Variants in AGPS observed in about 807,000 individuals in gnomAD.
AGPS encodes the protein alkylglycerone phosphate synthase.
AGPS carries 26 observed loss-of-function variants against 90.7 expected under a neutral mutation model. The observed-to-expected ratio is 0.29, with a 90% CI of 0.21 to 0.40. AGPS has a LOEUF of 0.40. Ranked by LOEUF, AGPS falls within the 10% of genes least tolerant of loss-of-function variation. The pLI is 1.00. For missense variants in AGPS, 540 were observed against 816.1 expected, an observed-to-expected ratio of 0.66 and a Z score of 4.12; for synonymous variants, 294 against 285.3, an observed-to-expected ratio of 1.03 and a Z score of -0.31.
At chr2:177,501,403 A>G (rs983764753) in intron 14 of AGPS, among the ~76,000 whole-genome samples, 1 of 152,140 alleles carries the variant, frequency 6.6e-6, no homozygotes, top group African/African-American at 2.4e-5. Context: ...TAGGATGATG[A>G]CATAATGCTT....
At chr2:177,524,247 C>A (rs890881038) in intron 19 of AGPS, among the ~76,000 whole-genome samples, 2 of 152,126 alleles carry the variant, frequency 1.3e-5, no homozygotes, top group African/African-American at 4.8e-5. Flanking sequence ...TTAATCAAGA[C>A]AGGATATGAG....
At chr2:177,416,770 C>T (rs1685798645) in intron 1 of AGPS, among the ~76,000 whole-genome samples, 1 of 152,024 alleles carries the variant, frequency 6.6e-6, no homozygotes, top group South Asian at 2.1e-4. Context: ...ACCTTGTGAT[C>T]TGCCCACCTT....
At chr2:177,524,174 C>T (rs924483531) in intron 19 of AGPS, among the ~76,000 whole-genome samples, 2 of 152,158 alleles carry the variant, frequency 1.3e-5, no homozygotes, top group African/African-American at 2.4e-5. Flanking sequence ...CGGAATGTAG[C>T]TGGTCATCAG....
At chr2:177,413,026 A>T (rs1220218438) in intron 1 of AGPS, among the ~76,000 whole-genome samples, 1 of 152,306 alleles carries the variant, frequency 6.6e-6, no homozygotes, top group South Asian at 2.1e-4. Context: ...GCGGCAAACA[A>T]CAGTGGTGGA....
chr2:177,482,831 T>C (rs899481690), intron 11 of AGPS, among the ~76,000 whole-genome samples: 13 of 152,146 alleles, frequency 8.5e-5, no homozygotes, highest in African/African-American at 3.1e-4. Context: ...ATTTTATTTA[T>C]GTATTTAGTT....
At chr2:177,461,781 T>A in intron 8 of AGPS, 112 bp from the exon 9 acceptor site, 15 of 847,576 alleles carry the variant, frequency 1.8e-5, no homozygotes, top group Non-Finnish European at 2.5e-5. Flanking sequence ...TAGGAATTAA[T>A]AAATTCAAAT....
chr2:177,424,486 T>C (rs1405014879), intron 2 of AGPS, among the ~76,000 whole-genome samples: 2 of 152,170 alleles, frequency 1.3e-5, no homozygotes, highest in African/African-American at 2.4e-5. Context: ...ATTTAATGTC[T>C]GTATGCCTCT....
At chr2:177,441,336 T>C (rs920206765) in intron 6 of AGPS, 23 of 294,060 alleles carry the variant, frequency 7.8e-5, no homozygotes, top group African/African-American at 4.7e-4. Flanking sequence ...TGTATATTTA[T>C]GGAGAGAATT....
intron 8 of AGPS, among the ~76,000 whole-genome samples, chr2:177,453,779 C>G (rs1387383600): frequency 6.9e-6 from 1 of 144,202 alleles, no homozygotes; most frequent in Admixed American, 7.1e-5. Flanking sequence ...CCTCTGCCTC[C>G]CGGGTTCAAG....
intron 10 of AGPS, among the ~76,000 whole-genome samples, chr2:177,477,951 A>C (rs1442570106): frequency 6.6e-6 from 1 of 152,218 alleles, no homozygotes. Context: ...CATAAAATAG[A>C]AGAAGACTCA....
chr2:177,497,902 A>G lies in AGPS; in HGVS notation c.1362+137A>G, dbSNP rs1237693835. ...TCAGAATTACAGTTTTTCATGTTGG[A>G]ATAAATATTAAGTAAATCAGGCAGT... is the stretch of plus-strand genomic sequence containing the variant. On this transcript the variant is annotated intron_variant, in intron 13 of 19. Coordinates refer to ENST00000264167, the MANE Select transcript of AGPS (RefSeq NM_003659.4). 1.2e-4 allele frequency: 48 copies of G among 390,816 alleles called. No individual in the cohort carries two copies. In the East Asian group the frequency reaches 1.8e-3, roughly 15 times the overall value. 24.2% of individuals were successfully genotyped at this position (390,816 alleles called of 1,614,324 possible).
chr2:177,473,642 C>T (rs1687690929), intron 10 of AGPS, among the ~76,000 whole-genome samples: 1 of 151,664 alleles, frequency 6.6e-6, no homozygotes, highest in African/African-American at 2.4e-5. Flanking sequence ...CATAATATTC[C>T]CAGAAAAAAA....
chr2:177,489,262 T>A (rs1688181732), intron 11 of AGPS, among the ~76,000 whole-genome samples: 1 of 152,022 alleles, frequency 6.6e-6, no homozygotes, highest in Non-Finnish European at 1.5e-5. Flanking sequence ...TTTTTTGTAT[T>A]TTTAGTCGAG....
chr2:177,462,545 G>T (rs1406382100), intron 9 of AGPS, among the ~76,000 whole-genome samples: 1 of 151,882 alleles, frequency 6.6e-6, no homozygotes, highest in Non-Finnish European at 1.5e-5. Context: ...CCCTTTTCAG[G>T]TGACTACATT....
intron 1 of AGPS, among the ~76,000 whole-genome samples, chr2:177,397,032 CG>C (rs1267072740): frequency 6.6e-6 from 1 of 151,012 alleles, no homozygotes; most frequent in South Asian, 2.1e-4. Context: ...TCCTGCCTCC[CG>C]GGTTCAAGCG....
rs769202875 is a variant in AGPS at position 177,434,321 on chromosome 2, C to CCT, written c.351-5_351-4dup. 1.6e-5 allele frequency: 26 copies of CCT among 1,596,338 alleles called. No homozygotes were observed. Among genetic ancestry groups the CCT allele is most frequent in the Non-Finnish European group, 1.9e-5 (22 of 1,165,406 alleles). ...CTCTAATATTTTTACTTTCTTTGTA[C>CCT]CTTAGGTACCCTCTTAGTGGCATGG... On this transcript the variant is annotated splice_region_variant and splice_polypyrimidine_tract_variant and intron_variant, in intron 2 of 19. Coordinates refer to ENST00000264167, the MANE Select transcript of AGPS (RefSeq NM_003659.4).
At position 177,497,714 on chromosome 2, in the gene AGPS, C is replaced by T. The variant is rs903278435; in HGVS notation, c.1311C>T (p.Ser437=). Reference sequence around the variant, plus strand: ...GTCATGCTCTTAAACCTCAGGTTTCCTCTATTTTTACATCATTTTTGGACG... The same window carrying T: ...GTCATGCTCTTAAACCTCAGGTTTCTTCTATTTTTACATCATTTTTGGACG... ...QFGHALKPQV[S]SIFTSFLDGL... is the part of the protein sequence containing the mutation. The change falls in exon 13 of 20, where the codon TCC becomes TCT. Residue 437 remains serine (S), a synonymous_variant. Transcript: ENST00000264167. 4 of 1,581,182 alleles carry T rather than the reference C, an allele frequency of 2.5e-6. No homozygotes were observed. In the South Asian group the frequency reaches 3.4e-5, roughly 14 times the overall value.
chr2:177,435,074 G>A (rs1172164159), intron 3 of AGPS, among the ~76,000 whole-genome samples: 1 of 146,086 alleles, frequency 6.8e-6, no homozygotes, highest in South Asian at 2.1e-4. Flanking sequence ...TTTTTGTTGT[G>A]TTTTTATTAT....
chr2:177,429,806 G>A (rs1239632089), intron 2 of AGPS, among the ~76,000 whole-genome samples: 2 of 152,222 alleles, frequency 1.3e-5, no homozygotes, highest in Non-Finnish European at 2.9e-5. Flanking sequence ...GGATGGCTGG[G>A]TTTTGGTGGA....
Sources: allele counts gnomAD v4.1 joint callset (sites outside exome capture counted in the v4.1 genomes callset), GRCh38; gene constraint gnomAD v4.1.1; transcripts MANE v1.5; gene names NCBI Gene and HGNC (gene_info 2026-07-23, HGNC 2026-07-21).